EPB41L5: variants seen among roughly 807,000 people sequenced by gnomAD.
EPB41L5 encodes erythrocyte membrane protein band 4.1 like 5.
A neutral mutation model predicts 106.6 loss-of-function variants in EPB41L5; 55 were observed. The observed-to-expected ratio is 0.52, with a 90% CI of 0.42 to 0.65. The LOEUF (loss-of-function observed/expected upper bound fraction) is 0.65, where lower values mean the gene tolerates loss of function less well. Among genes scored for constraint, EPB41L5 ranks in the 30% least tolerant of loss-of-function variants. The probability of loss-of-function intolerance (pLI) is 0.00; values close to 1 mark genes in which losing one functional copy is unlikely to be tolerated. For missense variants in EPB41L5, 871 were observed against 882.1 expected (o/e 0.99, Z 0.16); for synonymous variants, 297 against 306.7 (o/e 0.97, Z 0.33).
At chr2:120,146,150 G>T (rs1686392500) in intron 19 of EPB41L5, 75 bp from the exon 20 acceptor site, 1 of 902,264 alleles carries the variant, frequency 1.1e-6, no homozygotes. Flanking sequence ...GTTGTTACCA[G>T]AAAGAAATGT....
intron 16 of EPB41L5, among the ~76,000 whole-genome samples, chr2:120,126,017 C>T (rs1258240072): frequency 1.3e-5 from 2 of 152,156 alleles, no homozygotes; most frequent in Non-Finnish European, 2.9e-5. Flanking sequence ...ACATAGCATT[C>T]TCCCTATGTG....
chr2:120,097,059 G>T (rs1683802088), intron 14 of EPB41L5, among the ~76,000 whole-genome samples: 1 of 152,174 alleles, frequency 6.6e-6, no homozygotes, highest in African/African-American at 2.4e-5. Context: ...CACATTTCTG[G>T]TAAAATATGA....
At chr2:120,073,111 T>A (rs1382661423) in intron 3 of EPB41L5, 67 bp from the exon 4 acceptor site, 1 of 1,405,892 alleles carries the variant, frequency 7.1e-7, no homozygotes, top group African/African-American at 1.4e-5. Flanking sequence ...AAAGTAACTT[T>A]TAGTAATTCA....
rs1269086766 is a variant in EPB41L5 at position 120,177,261 on chromosome 2, G to A, written c.*2354G>A. The A allele has an allele frequency of 6.6e-6, 1 of 152,478 alleles. No individual in the cohort carries two copies. Among genetic ancestry groups the A allele is most frequent in the South Asian group, 2.1e-4 (1 of 4,826 alleles). The allele number at this position is 152,478 out of a possible 1,614,324, so 9.4% of individuals were successfully genotyped here. ...TTGAGAAGAGAGAGGCATGTGTGCC[G>A]GCATCCTTGATGGGTTCAAAGAGAA... On this transcript the variant is annotated 3_prime_UTR_variant, in exon 25 of 25. Transcript: ENST00000263713.
At chr2:120,115,428 G>C (rs1438217394) in intron 16 of EPB41L5, among the ~76,000 whole-genome samples, 1 of 151,942 alleles carries the variant, frequency 6.6e-6, no homozygotes, top group Non-Finnish European at 1.5e-5. Flanking sequence ...TTTTTGAGAC[G>C]GAGTCTCACT....
chr2:120,146,378 G>T, intron 20 of EPB41L5, 89 bp downstream of exon 20: 1 of 924,576 alleles, frequency 1.1e-6, no homozygotes, highest in Non-Finnish European at 1.7e-6. Flanking sequence ...ATGGTTTCAG[G>T]ATGTCTGTCT....
chr2:120,153,671 CTG>C (rs1327950269), intron 20 of EPB41L5, among the ~76,000 whole-genome samples: 2 of 152,118 alleles, frequency 1.3e-5, no homozygotes, highest in African/African-American at 4.8e-5. Flanking sequence ...ATTTGGGTCT[CTG>C]TTGATAGTTC....
At chr2:120,083,056 C>T (rs899404766) in intron 10 of EPB41L5, among the ~76,000 whole-genome samples, 29 of 151,988 alleles carry the variant, frequency 1.9e-4, no homozygotes, top group African/African-American at 7.0e-4. Context: ...AAAAAACAAC[C>T]AGCTCCTGGA....
At chr2:120,073,084 C>T in intron 3 of EPB41L5, 94 bp from the exon 4 acceptor site, 4 of 1,049,060 alleles carry the variant, frequency 3.8e-6, no homozygotes, top group Non-Finnish European at 5.7e-6. Flanking sequence ...TTGCGGTTAT[C>T]AGTGTAGGCA....
intron 2 of EPB41L5, among the ~76,000 whole-genome samples, chr2:120,040,502 A>G (rs555883000): frequency 6.6e-6 from 1 of 152,330 alleles, no homozygotes; most frequent in East Asian, 1.9e-4. Flanking sequence ...ATATTCTCAA[A>G]TATAGAAGGC....
intron 16 of EPB41L5, among the ~76,000 whole-genome samples, chr2:120,125,784 TG>T (rs1685435319): frequency 6.6e-6 from 1 of 152,098 alleles, no homozygotes. Flanking sequence ...GAATATGAGA[TG>T]TATTGGTTTG....
intron 10 of EPB41L5, among the ~76,000 whole-genome samples, chr2:120,079,150 C>G (rs1318571545): frequency 4.6e-5 from 7 of 152,170 alleles, no homozygotes; most frequent in African/African-American, 1.7e-4. Context: ...TAAGATGTCT[C>G]TATCAGAATA....
At chr2:120,168,031 C>T in intron 24 of EPB41L5, 24 bp downstream of exon 24, 2 of 1,612,866 alleles carry the variant, frequency 1.2e-6, no homozygotes, top group African/African-American at 1.3e-5. Flanking sequence ...TTCTCATTTG[C>T]AGTTCTTAGG....
At chr2:120,050,472 C>G (rs1039230039) in intron 3 of EPB41L5, among the ~76,000 whole-genome samples, 9 of 152,242 alleles carry the variant, frequency 5.9e-5, no homozygotes, top group Non-Finnish European at 5.9e-5. Context: ...CTTGTGCATG[C>G]ATCACGTCAT....
At chr2:120,049,624 C>T (rs898230869) in intron 3 of EPB41L5, among the ~76,000 whole-genome samples, 1 of 152,122 alleles carries the variant, frequency 6.6e-6, no homozygotes, top group Admixed American at 6.5e-5. Context: ...TCCAATTTGC[C>T]AGTCTGTGTC....
chr2:120,167,370 A>G, intron 22 of EPB41L5, 96 bp from the exon 23 acceptor site: 1 of 1,075,390 alleles, frequency 9.3e-7, no homozygotes, highest in Non-Finnish European at 1.4e-6. Context: ...TTGCCCTCCT[A>G]GAATGGATTT....
intron 16 of EPB41L5, among the ~76,000 whole-genome samples, chr2:120,123,437 T>TC (rs1685318368): frequency 6.6e-6 from 1 of 152,164 alleles, no homozygotes; most frequent in East Asian, 1.9e-4. Flanking sequence ...CCACTTGACT[T>TC]GTCTCTTAAT....
chr2:120,091,338 T>C (rs1386942774), intron 12 of EPB41L5, among the ~76,000 whole-genome samples: 1 of 152,174 alleles, frequency 6.6e-6, no homozygotes, highest in Non-Finnish European at 1.5e-5. Context: ...TATGCATGCA[T>C]ATGAGAAAAA....
At chr2:120,054,231 TTGCC>T (rs1195556241) in intron 3 of EPB41L5, among the ~76,000 whole-genome samples, 6 of 152,242 alleles carry the variant, frequency 3.9e-5, no homozygotes, top group Non-Finnish European at 8.8e-5. Flanking sequence ...TTCAGATCCT[TTGCC>T]TGATTTTTTA....
Sources: allele counts gnomAD v4.1 joint callset (sites outside exome capture counted in the v4.1 genomes callset), GRCh38; gene constraint gnomAD v4.1.1; transcripts MANE v1.5; gene names NCBI Gene and HGNC (gene_info 2026-07-23, HGNC 2026-07-21).